EFCAB7: variants seen among roughly 807,000 people sequenced by gnomAD.
EFCAB7 encodes EF-hand calcium binding domain 7, also known as EF-hand calcium-binding domain-containing protein 7.
A neutral mutation model predicts 77.1 loss-of-function variants in EFCAB7; 66 were observed. The ratio of observed to expected loss-of-function variants is 0.86; its 90% CI spans 0.70 to 1.05. The LOEUF (loss-of-function observed/expected upper bound fraction) is 1.05, where lower values mean the gene tolerates loss of function less well. Ranked by LOEUF, EFCAB7 falls within the 50% of genes least tolerant of loss-of-function variation. The pLI, the probability that EFCAB7 is intolerant of heterozygous loss-of-function variation, is 0.00. For missense variants in EFCAB7, 638 were observed against 730.5 expected (o/e 0.87, Z 1.46); for synonymous variants, 225 against 243.3 (o/e 0.92, Z 0.70).
At chr1:63,538,478 G>C (rs1266029640) in intron 6 of EFCAB7, among the ~76,000 whole-genome samples, 1 of 151,162 alleles carries the variant, frequency 6.6e-6, no homozygotes, top group Non-Finnish European at 1.5e-5. Context: ...TTTTGAGATG[G>C]AGTCTCACTC....
rs1055464888 is a variant in EFCAB7, at chr1:63,531,244, C to CT, written c.188-567dup. Among the ~76,000 whole-genome samples the CT allele has an allele frequency of 4.6e-5, 7 of 151,302 alleles. No individual in the cohort carries two copies. In the South Asian group the frequency reaches 6.3e-4, roughly 14 times the overall value. On this transcript the variant is annotated intron_variant, in intron 2 of 13. Transcript: ENST00000371088. ...CTATTCTCTACTTCTAGGATATTAA[C>CT]TTTTTTTTTAAGATTCCACACAAGT...
In EFCAB7 at chr1:63,546,004, A is replaced by C. The variant is rs563644989; in HGVS notation, c.893A>C (p.Gln298Pro). The C allele has an allele frequency of 2.5e-6, 4 of 1,613,748 alleles. No homozygotes were observed. The East Asian group carries it at 8.9e-5, about 36-fold the overall frequency. The part of the protein sequence containing the change: ...ISHQYRMQIA[Q>P]RSMVYLTIKP... ...CATCAGTACAGGATGCAAATAGCTC[A>C]GAGGTCCATGGTTTATCTAACAATT... The change falls in exon 7 of 14, where the codon CAG becomes CCG. Residue 298 changes from glutamine (Q) to proline (P), a missense_variant. Coordinates refer to ENST00000371088, the MANE Select transcript of EFCAB7 (RefSeq NM_032437.4).
chr1:63,576,544 G>T (rs1244432146), downstream of EFCAB7, among the ~76,000 whole-genome samples: 1 of 151,386 alleles, frequency 6.6e-6, no homozygotes, highest in Admixed American at 6.6e-5. Flanking sequence ...TCTTGTCCAG[G>T]TGCAGTGGCT....
At chr1:63,528,107 A>T (rs1646628533) in intron 2 of EFCAB7, 2 of 152,384 alleles carry the variant, frequency 1.3e-5, no homozygotes, top group South Asian at 4.1e-4. Context: ...CAGCATATTG[A>T]AGAGATATCT....
At chr1:63,535,385 T>C (rs1011334723) in intron 6 of EFCAB7, among the ~76,000 whole-genome samples, 7 of 152,116 alleles carry the variant, frequency 4.6e-5, no homozygotes, top group Non-Finnish European at 1.0e-4. Context: ...CTATTAACAG[T>C]ATACCAAGGA....
intron 7 of EFCAB7, chr1:63,546,958 C>A (rs1424823618): frequency 6.6e-6 from 1 of 151,882 alleles, no homozygotes; most frequent in Non-Finnish European, 1.5e-5. Flanking sequence ...CCTAGATAAC[C>A]TTTTTTAATG....
intron 7 of EFCAB7, chr1:63,549,628 T>G (rs1158702728): frequency 1.3e-5 from 5 of 392,742 alleles, no homozygotes; most frequent in South Asian, 1.0e-4. Context: ...GATATATCGC[T>G]TGCATATCTG....
chr1:63,546,760 A>C (rs1475853770), intron 7 of EFCAB7, among the ~76,000 whole-genome samples: 8 of 152,332 alleles, frequency 5.3e-5, no homozygotes, highest in Admixed American at 3.9e-4. Context: ...GCAAGGGGAT[A>C]ATTTGGAACA....
chr1:63,564,523 AAGG>A (rs1647147430), intron 11 of EFCAB7, among the ~76,000 whole-genome samples: 3 of 152,204 alleles, frequency 2.0e-5, no homozygotes, highest in Admixed American at 2.0e-4. Flanking sequence ...CAATCTCTAC[AAGG>A]AGAACTACAA....
At chr1:63,525,953 T>C (rs1285627626) in intron 2 of EFCAB7, among the ~76,000 whole-genome samples, 194 bp downstream of exon 2, 2 of 152,192 alleles carry the variant, frequency 1.3e-5, no homozygotes, top group Admixed American at 1.3e-4. Flanking sequence ...AAACTTTCAA[T>C]GTTTATACAA....
At chr1:63,545,791 A>T in intron 6 of EFCAB7, 125 bp from the exon 7 acceptor site, 1 of 816,798 alleles carries the variant, frequency 1.2e-6, no homozygotes. Context: ...TATGTTGCAC[A>T]TTCCTGGAGA....
intron 9 of EFCAB7, among the ~76,000 whole-genome samples, chr1:63,556,529 G>A: frequency 6.6e-6 from 1 of 152,100 alleles, no homozygotes; most frequent in East Asian, 1.9e-4. Flanking sequence ...GAAGAAAGTA[G>A]ATTGGAGAAA....
intron 11 of EFCAB7, among the ~76,000 whole-genome samples, chr1:63,564,092 A>G (rs1701534): frequency 0.6 from 91,740 of 151,752 alleles, 29,441 homozygotes; most frequent in African/African-American, 0.82. Context: ...CCTTTTGTAT[A>G]TGTTAACAGG....
chr1:63,555,613 C>T, intron 9 of EFCAB7, 98 bp downstream of exon 9: 1 of 1,017,570 alleles, frequency 9.8e-7, no homozygotes, highest in Non-Finnish European at 1.4e-6. Flanking sequence ...CCCCCATCCT[C>T]AGATTCTAAT....
intron 6 of EFCAB7, among the ~76,000 whole-genome samples, chr1:63,538,351 T>G (rs1646787355): frequency 6.6e-6 from 1 of 152,214 alleles, no homozygotes; most frequent in Admixed American, 6.5e-5. Flanking sequence ...GCCAGCCAAT[T>G]TGTCAGTAAT....
chr1:63,540,449 A>T (rs1481070478), intron 6 of EFCAB7, among the ~76,000 whole-genome samples: 1 of 151,996 alleles, frequency 6.6e-6, no homozygotes, highest in African/African-American at 2.4e-5. Flanking sequence ...GATAATAAAA[A>T]ATTTGAATTC....
At chr1:63,554,421 A>G (rs536696286) in intron 8 of EFCAB7, among the ~76,000 whole-genome samples, 1 of 152,096 alleles carries the variant, frequency 6.6e-6, no homozygotes, top group East Asian at 1.9e-4. Context: ...GCTCCCTGCA[A>G]CCTCCACCTC....
chr1:63,573,818 T>TA (rs1230143548), downstream of EFCAB7, among the ~76,000 whole-genome samples: 3 of 152,038 alleles, frequency 2.0e-5, no homozygotes, highest in African/African-American at 7.3e-5. Context: ...GGGAAAGTGG[T>TA]AAAAGGATTG....
chr1:63,534,424 A>G (rs568919517), intron 6 of EFCAB7: 3 of 380,862 alleles, frequency 7.9e-6, no homozygotes, highest in Non-Finnish European at 1.4e-5. Flanking sequence ...GAAAATGGTA[A>G]CACTCAAGTT....
Sources: gnomAD v4.1 joint callset for allele counts (sites outside exome capture counted in the v4.1 genomes callset) on GRCh38, gnomAD v4.1.1 for gene constraint, MANE v1.5 for transcripts, NCBI Gene and HGNC (gene_info 2026-07-23, HGNC 2026-07-21) for gene names.